PXN: variants seen among roughly 807,000 people sequenced by gnomAD.
The protein encoded by PXN is testicular tissue protein Li 134.
In PXN, 61 loss-of-function variants were observed where a neutral mutation model predicts 103.6. That is an observed-to-expected ratio of 0.59 (90% CI 0.48 to 0.73). PXN has a LOEUF of 0.73. Ranked by LOEUF, PXN falls within the 30% of genes least tolerant of loss-of-function variation. The probability of loss-of-function intolerance (pLI) is 0.00; values close to 1 mark genes in which losing one functional copy is unlikely to be tolerated. For synonymous variants in PXN, 562 were observed against 607.8 expected (o/e 0.92, Z 1.11); for missense variants, 1,274 against 1,460.3 (o/e 0.87, Z 2.08).
intron 1 of PXN, among the ~76,000 whole-genome samples, chr12:120,242,769 T>C (rs1011515627): frequency 6.6e-6 from 1 of 151,774 alleles, no homozygotes; most frequent in Admixed American, 6.6e-5. Context: ...TAATCCCAGC[T>C]ATTCAGGAGG....
intron 1 of PXN, among the ~76,000 whole-genome samples, chr12:120,230,634 C>A (rs1050812617): frequency 1.3e-5 from 2 of 152,046 alleles, no homozygotes; most frequent in Non-Finnish European, 2.9e-5. Flanking sequence ...CCCCCCTCCC[C>A]CTGGCTCCAA....
chr12:120,255,943 G>A lies in PXN; in HGVS notation c.13+9674C>T, dbSNP rs1043219870. 2.9e-4 allele frequency among the ~76,000 whole-genome samples: 40 copies of A among 139,752 alleles called. 1 individual carries two copies. The highest frequency in any genetic ancestry group is 2.5e-3 in the Admixed American group (34 of 13,780). 91.7% of individuals were successfully genotyped at this position (139,752 alleles called of 152,430 possible). A position where few individuals can be genotyped will look rare whatever the true frequency, so the allele number is the denominator to read the frequency against. On this transcript the variant is annotated intron_variant, in intron 1 of 14. Transcript: ENST00000637617. ...GTGTGCCTGTAATCTCAGCTACTGC[G>A]GACTGCGGGGGGTTGGGGGGGGTGG...
Position 120,219,032 on chromosome 12 carries a change from T to A in PXN, c.1716+175A>T, listed in dbSNP as rs1447767200. Among the ~76,000 whole-genome samples, 1 of 152,248 alleles carries A rather than the reference T, an allele frequency of 6.6e-6. No individual in the cohort carries two copies. The highest frequency in any genetic ancestry group is 2.4e-5 in the African/African-American group (1 of 41,464). ...GGTGGGTTGACGCTATGAGAAATGCTGGGTCCACAGAGCCCACTGCCAAGT... is the reference window on the plus strand; with the variant it reads ...GGTGGGTTGACGCTATGAGAAATGCAGGGTCCACAGAGCCCACTGCCAAGT... On this transcript the variant is annotated intron_variant, in intron 7 of 14. Coordinates refer to ENST00000637617, the MANE Select transcript of PXN (RefSeq NM_001385981.1). The surrounding 1 kb of genome is among the most constrained non-coding windows in gnomAD (Gnocchi z 6.5).
rs1887650472 is a variant in PXN, at chr12:120,229,856, T to TC, written c.14-5480_14-5479insG. The stretch of plus-strand genomic sequence containing the variant: ...TGGAGCCAGCTTTTCCATCCCTTCT[T>TC]GGAGTTTACAGGCTGCCCTGCCACA... On this transcript the variant is annotated intron_variant, in intron 1 of 14. Coordinates refer to ENST00000637617, the MANE Select transcript of PXN (RefSeq NM_001385981.1). The surrounding 1 kb of genome is among the most constrained non-coding windows in gnomAD (Gnocchi z 4.0). Among the ~76,000 whole-genome samples the TC allele has an allele frequency of 1.3e-5, 2 of 152,106 alleles. No individual in the cohort carries two copies. Among genetic ancestry groups the TC allele is most frequent in the Non-Finnish European group, 2.9e-5 (2 of 68,010 alleles).
At chr12:120,255,759 G>A (rs1892904144) in intron 1 of PXN, among the ~76,000 whole-genome samples, 1 of 151,826 alleles carries the variant, frequency 6.6e-6, no homozygotes, top group Non-Finnish European at 1.5e-5. Flanking sequence ...AAGTTAGTAA[G>A]TGCAGGTCAG....
At position 120,265,541 on chromosome 12, in the gene PXN, G is replaced by A; in HGVS notation, c.13+76C>T. 1.4e-6 allele frequency: 2 copies of A among 1,446,872 alleles called. No homozygotes were observed. Among genetic ancestry groups the A allele is most frequent in the Non-Finnish European group, 9.1e-7 (1 of 1,103,494 alleles). 89.6% of individuals were successfully genotyped at this position (1,446,872 alleles called of 1,614,324 possible). On this transcript the variant is annotated intron_variant, in intron 1 of 14. Transcript: ENST00000637617. The surrounding 1 kb of genome is among the most constrained non-coding windows in gnomAD (Gnocchi z 5.7). ...CCGAGGGTGGGATCCCGCGGCCCCT[G>A]CCGCTCGCTGGCGCCCTCCTGGCCC...
chr12:120,222,553 G>A lies in PXN; in HGVS notation c.691C>T (p.Pro231Ser), dbSNP rs1455567829. ...LDELESSVPS[P>S]VPAITVNQGE... ...GAGGGCCCAGTGGGTACTCACACGG[G>A]GCTGGGCACGGAGCTCTCCAGTTCA... is the stretch of plus-strand genomic sequence containing the variant. The change falls in exon 5 of 15, where the codon CCC (proline) becomes TCC (serine). Residue 231 changes from proline to serine, a missense_variant. By Grantham distance (74) the Pro-to-Ser change is moderately conservative. Around this residue, in one of 2 missense-constraint regions of PXN, gnomAD observed 1,178 missense variants for 1,309.0 expected, o/e 0.90. Coordinates refer to ENST00000637617, the MANE Select transcript of PXN (RefSeq NM_001385981.1). The surrounding 1 kb of genome is among the most constrained non-coding windows in gnomAD (Gnocchi z 4.7). 41 of 1,595,678 alleles carry A rather than the reference G, an allele frequency of 2.6e-5. No homozygotes were observed. Among genetic ancestry groups the A allele is most frequent in the Non-Finnish European group, 3.4e-5 (40 of 1,171,882 alleles).
intron 1 of PXN, among the ~76,000 whole-genome samples, chr12:120,242,613 T>C (rs1170565741): frequency 6.6e-6 from 1 of 151,466 alleles, no homozygotes; most frequent in Non-Finnish European, 1.5e-5. Flanking sequence ...TGGCCAAGTG[T>C]GGTGGCTCAT....
Position 120,265,655 on chromosome 12 carries a change from G to T in PXN, c.-26C>A, listed in dbSNP as rs972417941. 2.2e-5 allele frequency: 32 copies of T among 1,462,368 alleles called. No homozygotes were observed. In the Admixed American group the frequency reaches 2.7e-4, roughly 13 times the overall value. The allele number at this position is 1,462,368 out of a possible 1,614,324, so 90.6% of individuals were successfully genotyped here. A position where few individuals can be genotyped will look rare whatever the true frequency, so the allele number is the denominator to read the frequency against. ...GGCCGGACCACGGGCGCCGGCTCAG[G>T]GTCGCGCTAGCTGCCCGTCCCGGGG... On this transcript the variant is annotated 5_prime_UTR_variant, in exon 1 of 15. Coordinates refer to ENST00000637617, the MANE Select transcript of PXN (RefSeq NM_001385981.1). This position sits in a 1 kb window ranked among gnomAD's most constrained non-coding sequence, Gnocchi z 5.7.
At chr12:120,257,940 C>T (rs1447047303) in intron 1 of PXN, among the ~76,000 whole-genome samples, 3 of 152,194 alleles carry the variant, frequency 2.0e-5, no homozygotes, top group Non-Finnish European at 2.9e-5. Context: ...CACCTGTAAT[C>T]CCAGCACTTT....
At chr12:120,247,248 A>C (rs981894449) in intron 1 of PXN, among the ~76,000 whole-genome samples, 1 of 152,222 alleles carries the variant, frequency 6.6e-6, no homozygotes, top group African/African-American at 2.4e-5. Context: ...CATACTTTAC[A>C]TATAAAGACA....
chr12:120,264,620 T>C (rs1894392035), intron 1 of PXN, among the ~76,000 whole-genome samples: 1 of 152,178 alleles, frequency 6.6e-6, no homozygotes, highest in South Asian at 2.1e-4. Context: ...GGGGCTCCAA[T>C]AACAGGAAAA....
At position 120,220,629 on chromosome 12, in the gene PXN, G is replaced by A. The variant is rs1221361763; in HGVS notation, c.832-538C>T. Among the ~76,000 whole-genome samples the A allele has an allele frequency of 6.6e-6, 1 of 152,202 alleles. No homozygotes were observed. Among genetic ancestry groups the A allele is most frequent in the Non-Finnish European group, 1.5e-5 (1 of 68,040 alleles). Reference sequence around the variant, plus strand: ...AGAAAACGGCAGCCTTAAAAGCACCGGGGCACAGCTCCCTCAGGCCAGGCC... The same window carrying A: ...AGAAAACGGCAGCCTTAAAAGCACCAGGGCACAGCTCCCTCAGGCCAGGCC... On this transcript the variant is annotated intron_variant, in intron 6 of 14. Transcript: ENST00000637617. This position sits in a 1 kb window ranked among gnomAD's most constrained non-coding sequence, Gnocchi z 6.1.
chr12:120,257,036 T>A (rs1425868300), intron 1 of PXN, among the ~76,000 whole-genome samples: 1 of 152,154 alleles, frequency 6.6e-6, no homozygotes, highest in East Asian at 1.9e-4. Context: ...AGGGTTTTTA[T>A]GTTTTAGAAG....
intron 1 of PXN, among the ~76,000 whole-genome samples, chr12:120,235,984 C>A (rs965791018): frequency 6.6e-6 from 1 of 152,182 alleles, no homozygotes; most frequent in Non-Finnish European, 1.5e-5. Flanking sequence ...CCAGCCAACA[C>A]GGGACAGCCA....
At chr12:120,235,149 T>C (rs1241226195) in intron 1 of PXN, among the ~76,000 whole-genome samples, 1 of 151,978 alleles carries the variant, frequency 6.6e-6, no homozygotes, top group East Asian at 1.9e-4. Flanking sequence ...GTCACAGCTG[T>C]CTGAGAGGCC....
chr12:120,238,221 G>A (rs375848245), intron 1 of PXN, among the ~76,000 whole-genome samples: 3 of 152,178 alleles, frequency 2.0e-5, no homozygotes, highest in Admixed American at 6.6e-5. Flanking sequence ...TGGAGTTCAC[G>A]TGTAGGTATA....
intron 1 of PXN, among the ~76,000 whole-genome samples, chr12:120,231,080 C>T (rs1438868993): frequency 3.3e-5 from 5 of 152,172 alleles, no homozygotes; most frequent in African/African-American, 9.7e-5. Flanking sequence ...ACAGCCAGTG[C>T]GGAGGAGGGG....
At chr12:120,252,986 G>A (rs1259218037) in intron 1 of PXN, among the ~76,000 whole-genome samples, 1 of 135,252 alleles carries the variant, frequency 7.4e-6, no homozygotes, top group Non-Finnish European at 1.5e-5. Flanking sequence ...GTGACGCAGT[G>A]AGACTCTGTC....
Sources: gnomAD v4.1 joint callset for allele counts (sites outside exome capture counted in the v4.1 genomes callset) on GRCh38, gnomAD v4.1.1 for gene constraint, gnomAD v4.1.1 regional missense constraint, Gnocchi (gnomAD v3.1) non-coding constraint, MANE v1.5 for transcripts, NCBI Gene and HGNC (gene_info 2026-07-23, HGNC 2026-07-21) for gene names.